Variants in ANKAR observed in about 807,000 individuals in gnomAD.
ANKAR encodes the protein ankyrin and armadillo repeat containing, also known as ankyrin and armadillo repeat-containing protein.
Under a neutral mutation model 146.2 loss-of-function variants are expected in ANKAR, and 136 were observed. The observed-to-expected ratio is 0.93, with a 90% CI of 0.81 to 1.07. The LOEUF (loss-of-function observed/expected upper bound fraction) is 1.07. Ranked by LOEUF, ANKAR falls within the 50% of genes least tolerant of loss-of-function variation. ANKAR has a pLI of 0.00. For synonymous variants in ANKAR, 500 were observed against 575.8 expected, an observed-to-expected ratio of 0.87 and a Z score of 1.88; for missense variants, 1,567 against 1,679.9, an observed-to-expected ratio of 0.93 and a Z score of 1.18.
intron 16 of ANKAR, among the ~76,000 whole-genome samples, chr2:189,732,382 C>T (rs1401379269): frequency 6.6e-6 from 1 of 152,042 alleles, no homozygotes; most frequent in Non-Finnish European, 1.5e-5. Context: ...GTGCTGCAGG[C>T]CAGGTGCTTT....
rs376787605 is a variant in ANKAR, at chr2:189,727,933, A to T, written c.2713A>T (p.Met905Leu). 4.3e-6 allele frequency: 7 copies of T among 1,613,926 alleles called. No homozygotes were observed. The highest frequency in any genetic ancestry group is 1.7e-5 in the Admixed American group (1 of 59,970). The change falls in exon 13 of 23, where the codon ATG (methionine) becomes TTG (leucine). Residue 905 changes from methionine (M) to leucine (L), a missense_variant. Physicochemically the swap from Met to Leu is conservative, Grantham distance 15. Coordinates refer to ENST00000684021, the MANE Select transcript of ANKAR (RefSeq NM_001378068.1). The part of the protein sequence containing the change: ...DNKEIQDAIA[M>L]EGAIPPLVAL... ...TAAGGAAATTCAGGATGCTATAGCTATGGAGGGAGCGATTCCTCCTCTGGT... is the reference window on the plus strand; with the variant it reads ...TAAGGAAATTCAGGATGCTATAGCTTTGGAGGGAGCGATTCCTCCTCTGGT...
chr2:189,711,473 A>T (rs2039671405), intron 10 of ANKAR, among the ~76,000 whole-genome samples: 1 of 152,182 alleles, frequency 6.6e-6, no homozygotes, highest in African/African-American at 2.4e-5. Context: ...AATTATTCCT[A>T]TTCTGTAATT....
intron 19 of ANKAR, among the ~76,000 whole-genome samples, chr2:189,740,716 G>A (rs372794300): frequency 1.0e-4 from 15 of 149,094 alleles, no homozygotes; most frequent in African/African-American, 3.2e-4. Flanking sequence ...TTTTTGAGAC[G>A]GAGTTTCGCT....
chr2:189,749,251 A>G (rs2044694881), downstream of ANKAR, among the ~76,000 whole-genome samples: 1 of 141,480 alleles, frequency 7.1e-6, no homozygotes, highest in African/African-American at 2.6e-5. Flanking sequence ...GTCTAAAAAA[A>G]AAAAAAAAAA....
At chr2:189,702,870 G>A (rs1163493199) in intron 7 of ANKAR, among the ~76,000 whole-genome samples, 1 of 152,176 alleles carries the variant, frequency 6.6e-6, no homozygotes, top group Non-Finnish European at 1.5e-5. Context: ...AGCTAGATCG[G>A]TAAGGGAGGA....
chr2:189,759,268 A>G (rs1489198414), intron 18 of ANKAR, among the ~76,000 whole-genome samples: 1 of 146,230 alleles, frequency 6.8e-6, no homozygotes, highest in Non-Finnish European at 1.5e-5. Context: ...TTTTTTTTTG[A>G]GACAGACTCT....
intron 4 of ANKAR, chr2:189,692,685 T>C: frequency 3.2e-6 from 1 of 317,140 alleles, no homozygotes. Context: ...TCTAATGGAC[T>C]ATATTTGTCC....
chr2:189,717,664 A>G (rs1230285383), intron 10 of ANKAR, among the ~76,000 whole-genome samples: 1 of 152,232 alleles, frequency 6.6e-6, no homozygotes, highest in East Asian at 1.9e-4. Flanking sequence ...ACTATTCACA[A>G]TAGCAAAAAC....
chr2:189,727,582 A>C (rs1360532119), intron 12 of ANKAR, among the ~76,000 whole-genome samples: 1 of 151,934 alleles, frequency 6.6e-6, no homozygotes, highest in Non-Finnish European at 1.5e-5. Context: ...TTGTAAGTAA[A>C]AATGCAGGCT....
At chr2:189,755,695 T>C in intron 18 of ANKAR, 1 of 910,694 alleles carries the variant, frequency 1.1e-6, no homozygotes, top group Middle Eastern at 2.6e-4. Context: ...ATTGTGTGCC[T>C]TCTAACATAG....
chr2:189,747,234 G>A (rs1300787071), downstream of ANKAR: 1 of 151,636 alleles, frequency 6.6e-6, no homozygotes, highest in Non-Finnish European at 1.5e-5. Flanking sequence ...GGCTATTCAA[G>A]AGGCTAAGGC....
chr2:189,679,555 G>A (rs1460186048), intron 2 of ANKAR, among the ~76,000 whole-genome samples: 1 of 152,124 alleles, frequency 6.6e-6, no homozygotes, highest in African/African-American at 2.4e-5. Context: ...CTTAGGGGAA[G>A]TGCTTTCAGT....
chr2:189,755,009 T>C (rs2045888993), intron 18 of ANKAR: 2 of 738,902 alleles, frequency 2.7e-6, no homozygotes, highest in African/African-American at 1.8e-5. Context: ...AATTATAAAA[T>C]TGTGTACTAC....
chr2:189,762,747 C>T (rs2047313626), downstream of ANKAR: 1 of 985,532 alleles, frequency 1.0e-6, no homozygotes, highest in South Asian at 4.7e-5. Context: ...TGTCGACTGC[C>T]CTTATCGCTG....
chr2:189,693,215 T>C lies in ANKAR; in HGVS notation c.1307+38T>C, dbSNP rs763820286. 9.8e-6 allele frequency: 13 copies of C among 1,328,926 alleles called. No individual in the cohort carries two copies. The South Asian group carries it at 1.7e-4, about 17-fold the overall frequency. 82.3% of individuals were successfully genotyped at this position (1,328,926 alleles called of 1,614,324 possible). ...CACTAATTACTGACATTAACTACAA[T>C]TTTTTGCACGTTAGTAGAGAACAAA... On this transcript the variant is annotated intron_variant, in intron 5 of 22. Coordinates refer to ENST00000684021, the MANE Select transcript of ANKAR (RefSeq NM_001378068.1).
At chr2:189,699,946 G>A (rs1194248735) in intron 7 of ANKAR, among the ~76,000 whole-genome samples, 1 of 152,062 alleles carries the variant, frequency 6.6e-6, no homozygotes, top group Non-Finnish European at 1.5e-5. Flanking sequence ...GATTACAGGC[G>A]TGAGCCACTG....
At chr2:189,743,938 G>C (rs2043702373) in intron 21 of ANKAR, among the ~76,000 whole-genome samples, 2 of 152,154 alleles carry the variant, frequency 1.3e-5, no homozygotes. Flanking sequence ...AAGTTTGCCA[G>C]GTATTCAGAG....
intron 7 of ANKAR, among the ~76,000 whole-genome samples, chr2:189,704,583 AT>A (rs1338081409): frequency 9.0e-6 from 1 of 110,814 alleles, no homozygotes; most frequent in Non-Finnish European, 1.8e-5. Flanking sequence ...ATATATATAT[AT>A]ATATATATAT....
downstream of ANKAR, chr2:189,746,680 ATT>A: frequency 6.7e-7 from 1 of 1,493,708 alleles, no homozygotes; most frequent in Non-Finnish European, 8.9e-7. Flanking sequence ...AAATTTTTTT[ATT>A]TTTAATAATG....
Sources: gnomAD v4.1 joint callset for allele counts (sites outside exome capture counted in the v4.1 genomes callset) on GRCh38, gnomAD v4.1.1 for gene constraint, MANE v1.5 for transcripts, NCBI Gene and HGNC (gene_info 2026-07-23, HGNC 2026-07-21) for gene names.